SLC24A3: variants seen among roughly 807,000 people sequenced by gnomAD.
SLC24A3 encodes sodium/potassium/calcium exchanger 3.
A neutral mutation model predicts 75.8 loss-of-function variants in SLC24A3; 28 were observed. That is an observed-to-expected ratio of 0.37 (90% CI 0.27 to 0.51). The LOEUF (loss-of-function observed/expected upper bound fraction) is 0.51. Ranked by LOEUF, SLC24A3 falls within the 20% of genes least tolerant of loss-of-function variation. SLC24A3 has a pLI of 0.94. For missense variants in SLC24A3, 663 were observed against 847.8 expected, an observed-to-expected ratio of 0.78 and a Z score of 2.71; for synonymous variants, 372 against 334.1, an observed-to-expected ratio of 1.11 and a Z score of -1.24.
intron 2 of SLC24A3, among the ~76,000 whole-genome samples, chr20:19,310,806 CCTGTTT>C (rs1429769319): frequency 2.0e-5 from 3 of 152,204 alleles, no homozygotes; most frequent in African/African-American, 4.8e-5. Flanking sequence ...TCTTGCACTA[CCTGTTT>C]CTTTAGCCAC....
intron 2 of SLC24A3, among the ~76,000 whole-genome samples, chr20:19,334,939 A>T (rs112276262): frequency 4.3e-4 from 65 of 152,316 alleles, no homozygotes; most frequent in African/African-American, 1.5e-3. Context: ...AGTGGTGAAC[A>T]GCCTCTGCTG....
chr20:19,235,994 G>C (rs1982154817), intron 1 of SLC24A3, among the ~76,000 whole-genome samples: 1 of 152,220 alleles, frequency 6.6e-6, no homozygotes, highest in African/African-American at 2.4e-5. Context: ...CTTGTGAAGT[G>C]CTCATGTATG....
chr20:19,391,289 C>T (rs1026202271), intron 2 of SLC24A3, among the ~76,000 whole-genome samples: 1 of 152,164 alleles, frequency 6.6e-6, no homozygotes, highest in Admixed American at 6.5e-5. Context: ...CCAGTAGTGT[C>T]TTGATGACTT....
intron 2 of SLC24A3, among the ~76,000 whole-genome samples, chr20:19,286,349 C>G (rs1213903769): frequency 6.6e-6 from 1 of 152,068 alleles, no homozygotes; most frequent in Non-Finnish European, 1.5e-5. Context: ...GGTCCATAAA[C>G]AAGAACTGGA....
intron 2 of SLC24A3, among the ~76,000 whole-genome samples, chr20:19,424,745 C>CAAAAAAAAAAAAAAA (rs528342351): frequency 4.1e-5 from 2 of 49,160 alleles, no homozygotes; most frequent in African/African-American, 7.7e-5. Context: ...AAAACAACAA[C>CAAAAAAAAAAAAAAA]AAAAAAAAAA....
intron 6 of SLC24A3, among the ~76,000 whole-genome samples, chr20:19,621,093 A>G (rs2031798234): frequency 1.3e-5 from 2 of 152,144 alleles, no homozygotes; most frequent in African/African-American, 2.4e-5. Context: ...CGCCCACACC[A>G]TTTGCAGGTA....
At position 19,713,233 on chromosome 20, in the gene SLC24A3, G is replaced by C. The variant is rs1038189322; in HGVS notation, c.1720-4295G>C. Among the ~76,000 whole-genome samples, 37 of 152,172 alleles carry C rather than the reference G, an allele frequency of 2.4e-4. 1 individual carries two copies. The highest frequency in any genetic ancestry group is 1.5e-5 in the Non-Finnish European group (1 of 68,038). ...CTTTGAAGTTCCCACAAGCACACGT[G>C]GACATGCCCTGCTCTTAAAAAAATA... On this transcript the variant is annotated intron_variant, in intron 15 of 16. Coordinates refer to ENST00000328041, the MANE Select transcript of SLC24A3 (RefSeq NM_020689.4).
Position 19,300,871 on chromosome 20 carries a change from C to T in SLC24A3, c.271+19784C>T, listed in dbSNP as rs191225892. On this transcript the variant is annotated intron_variant, in intron 2 of 16. Coordinates refer to ENST00000328041, the MANE Select transcript of SLC24A3 (RefSeq NM_020689.4). ...TGAGGGACTGTTCACTGTCTGGCTG[C>T]GAGAAGTGGGGGTGGCAGCTGCTGC... Among the ~76,000 whole-genome samples the T allele has an allele frequency of 1.8e-4, 27 of 152,194 alleles. No homozygotes were observed. The East Asian group carries it at 4.5e-3, about 25-fold the overall frequency.
chr20:19,412,911 T>C (rs1986771101), intron 2 of SLC24A3, among the ~76,000 whole-genome samples: 1 of 152,142 alleles, frequency 6.6e-6, no homozygotes, highest in South Asian at 2.1e-4. Context: ...GTTGAACACA[T>C]CACAATGTTT....
chr20:19,263,740 G>A (rs935068316), intron 1 of SLC24A3, among the ~76,000 whole-genome samples: 14 of 152,204 alleles, frequency 9.2e-5, no homozygotes, highest in African/African-American at 3.4e-4. Context: ...TCCTATTGCT[G>A]GTTTCAGTTC....
chr20:19,470,744 T>C (rs1459882011), intron 2 of SLC24A3, among the ~76,000 whole-genome samples: 1 of 152,196 alleles, frequency 6.6e-6, no homozygotes, highest in Non-Finnish European at 1.5e-5. Flanking sequence ...TGGCACCAAG[T>C]AGATCACACA....
chr20:19,406,952 G>A (rs1986657490), intron 2 of SLC24A3, among the ~76,000 whole-genome samples: 1 of 152,188 alleles, frequency 6.6e-6, no homozygotes, highest in Admixed American at 6.5e-5. Context: ...TTGACATGTG[G>A]TGCTGCCAGG....
intron 2 of SLC24A3, among the ~76,000 whole-genome samples, chr20:19,385,096 T>C (rs1986250464): frequency 6.6e-6 from 1 of 152,234 alleles, no homozygotes; most frequent in African/African-American, 2.4e-5. Flanking sequence ...AGGTTGCCTC[T>C]TCACTCTGTT....
At chr20:19,460,024 C>T (rs1431575130) in intron 2 of SLC24A3, among the ~76,000 whole-genome samples, 5 of 152,124 alleles carry the variant, frequency 3.3e-5, no homozygotes, top group Non-Finnish European at 5.9e-5. Context: ...ACTGCTGGCC[C>T]GTGGAAAGCA....
At chr20:19,554,031 T>A (rs554933510) in intron 3 of SLC24A3, among the ~76,000 whole-genome samples, 1 of 152,214 alleles carries the variant, frequency 6.6e-6, no homozygotes, top group African/African-American at 2.4e-5. Context: ...AATCCAATGA[T>A]AACAATGCAG....
At chr20:19,250,449 AG>A (rs1982618004) in intron 1 of SLC24A3, among the ~76,000 whole-genome samples, 1 of 152,170 alleles carries the variant, frequency 6.6e-6, no homozygotes, top group Non-Finnish European at 1.5e-5. Context: ...AATTATTCAA[AG>A]CATGTTTCAT....
At chr20:19,698,752 A>G (rs534014404) in intron 15 of SLC24A3, 72 bp downstream of exon 15, 2 of 1,180,832 alleles carry the variant, frequency 1.7e-6, no homozygotes, top group Non-Finnish European at 2.5e-6. Context: ...CCTTGGCCAC[A>G]GGGTCTTTGT....
At chr20:19,593,155 G>A (rs1184541223) in intron 6 of SLC24A3, among the ~76,000 whole-genome samples, 1 of 152,186 alleles carries the variant, frequency 6.6e-6, no homozygotes, top group East Asian at 1.9e-4. Flanking sequence ...GCTGAGCACT[G>A]TCCCAAGATG....
chr20:19,368,651 C>T (rs1276167698), intron 2 of SLC24A3, among the ~76,000 whole-genome samples: 1 of 152,226 alleles, frequency 6.6e-6, no homozygotes, highest in East Asian at 1.9e-4. Flanking sequence ...TCTGCTTCAC[C>T]TCTCTCCCTG....
Sources: gnomAD v4.1 joint callset for allele counts (sites outside exome capture counted in the v4.1 genomes callset) on GRCh38, gnomAD v4.1.1 for gene constraint, MANE v1.5 for transcripts, NCBI Gene and HGNC (gene_info 2026-07-23, HGNC 2026-07-21) for gene names.